TCERG1L: variants seen among roughly 807,000 people sequenced by gnomAD.
The protein encoded by TCERG1L is transcription elongation regulator 1 like, also known as transcription elongation regulator 1-like protein.
TCERG1L carries 37 observed loss-of-function variants against 56.3 expected under a neutral mutation model. The observed-to-expected ratio is 0.66, with a 90% confidence interval of 0.51 to 0.87. TCERG1L has a LOEUF of 0.87. Ranked by LOEUF, TCERG1L falls within the 40% of genes least tolerant of loss-of-function variation. TCERG1L has a pLI of 0.00. For synonymous variants in TCERG1L, 324 were observed against 326.3 expected (o/e 0.99, Z 0.08); for missense variants, 799 against 774.2 (o/e 1.03, Z -0.38).
Position 131,113,755 on chromosome 10 carries a change from G to A in TCERG1L, c.1395+3044C>T, listed in dbSNP as rs948975901. Among the ~76,000 whole-genome samples the A allele has an allele frequency of 1.4e-5, 2 of 141,872 alleles. 1 individual carries two copies. 93.1% of individuals were successfully genotyped at this position (141,872 alleles called of 152,430 possible). Reference sequence around the variant, plus strand: ...CCTGAAAAGGACCAGGACAGCCCCTGAGTCCCTAAGTCAAAATAGAGTATT... The same window carrying A: ...CCTGAAAAGGACCAGGACAGCCCCTAAGTCCCTAAGTCAAAATAGAGTATT... On this transcript the variant is annotated intron_variant, in intron 9 of 11. Coordinates refer to ENST00000368642, the MANE Select transcript of TCERG1L (RefSeq NM_174937.4).
At chr10:131,210,315 C>T (rs1845603143) in intron 4 of TCERG1L, among the ~76,000 whole-genome samples, 1 of 152,172 alleles carries the variant, frequency 6.6e-6, no homozygotes, top group Admixed American at 6.5e-5. Flanking sequence ...TGACTCCAGG[C>T]CCCTGTGCCC....
At chr10:131,229,563 T>A (rs1413687262) in intron 4 of TCERG1L, among the ~76,000 whole-genome samples, 3 of 152,134 alleles carry the variant, frequency 2.0e-5, no homozygotes, top group Non-Finnish European at 4.4e-5. Context: ...GTATGAAGTA[T>A]AAATACCAAT....
intron 7 of TCERG1L, among the ~76,000 whole-genome samples, chr10:131,135,892 A>C (rs1236955635): frequency 6.6e-6 from 1 of 152,230 alleles, no homozygotes; most frequent in Non-Finnish European, 1.5e-5. Context: ...TTGGCCCCGG[A>C]AGGGCGGAGG....
chr10:131,213,595 CA>C (rs1845638988), intron 4 of TCERG1L, among the ~76,000 whole-genome samples: 2 of 152,320 alleles, frequency 1.3e-5, no homozygotes, highest in South Asian at 4.1e-4. Context: ...GGAATGGGGA[CA>C]ACCCAAGCTA....
At chr10:131,179,161 C>T (rs1845143487) in intron 4 of TCERG1L, among the ~76,000 whole-genome samples, 1 of 152,196 alleles carries the variant, frequency 6.6e-6, no homozygotes, top group Non-Finnish European at 1.5e-5. Flanking sequence ...AGGAGGTGAG[C>T]AGCACTTCCT....
intron 4 of TCERG1L, among the ~76,000 whole-genome samples, chr10:131,239,462 G>T (rs1192873937): frequency 6.6e-6 from 1 of 152,160 alleles, no homozygotes; most frequent in African/African-American, 2.4e-5. Flanking sequence ...TTACCTCAAA[G>T]AAAGCTTTTT....
intron 3 of TCERG1L, among the ~76,000 whole-genome samples, chr10:131,281,038 T>C (rs1846446227): frequency 6.6e-6 from 1 of 152,226 alleles, no homozygotes; most frequent in Non-Finnish European, 1.5e-5. Context: ...ATTCAAGTTA[T>C]CACTGTGGTC....
intron 10 of TCERG1L, among the ~76,000 whole-genome samples, chr10:131,102,387 G>A (rs566097410): frequency 1.4e-4 from 22 of 152,264 alleles, no homozygotes; most frequent in Admixed American, 1.4e-3. Flanking sequence ...AGGACAGAGC[G>A]GGAGTTGGTT....
chr10:131,311,509 C>A lies in TCERG1L; in HGVS notation c.127G>T (p.Val43Leu). The A allele has an allele frequency of 8.3e-7, 1 of 1,205,486 alleles. No individual in the cohort carries two copies. The highest frequency in any genetic ancestry group is 1.0e-6 in the Non-Finnish European group (1 of 967,752). 74.7% of individuals were successfully genotyped at this position (1,205,486 alleles called of 1,614,324 possible). ...PPPPPPWVWM[V>L]PGSAGLLRLS... The stretch of plus-strand genomic sequence containing the variant: ...CGGAGCAGCCCGGCCGAGCCCGGCA[C>A]CATCCAGACCCAGGGCGGCGGCGGC... Residue 43 changes from valine to leucine, a missense_variant, in exon 1 of 12, where the codon GTG becomes TTG. Physicochemically the swap from Val to Leu is conservative, Grantham distance 32. Transcript: ENST00000368642. This position sits in a 1 kb window ranked among gnomAD's most constrained non-coding sequence, Gnocchi z 4.0.
At chr10:131,261,573 C>A (rs1846237594) in intron 3 of TCERG1L, among the ~76,000 whole-genome samples, 1 of 152,194 alleles carries the variant, frequency 6.6e-6, no homozygotes, top group South Asian at 2.1e-4. Flanking sequence ...ATACAGTAGG[C>A]AAAGAAAACA....
At chr10:131,109,351 C>T (rs1430073471) in intron 9 of TCERG1L, among the ~76,000 whole-genome samples, 5 of 152,162 alleles carry the variant, frequency 3.3e-5, no homozygotes, top group African/African-American at 7.2e-5. Context: ...TCCTGGTGCC[C>T]GTCTCAGCAC....
chr10:131,124,587 C>A (rs1443644153), intron 8 of TCERG1L, among the ~76,000 whole-genome samples: 2 of 152,180 alleles, frequency 1.3e-5, no homozygotes, highest in Non-Finnish European at 2.9e-5. Flanking sequence ...CAGCTCTACG[C>A]CATGCAGGAG....
chr10:131,191,864 CA>C (rs59816491), intron 4 of TCERG1L, among the ~76,000 whole-genome samples: 139 of 28,694 alleles, frequency 4.8e-3, no homozygotes, highest in African/African-American at 0.013. Context: ...GACTCCGTCT[CA>C]AAAAAAAAAA....
intron 4 of TCERG1L, among the ~76,000 whole-genome samples, chr10:131,174,201 C>T (rs566554989): frequency 4.6e-5 from 7 of 152,286 alleles, no homozygotes; most frequent in African/African-American, 1.2e-4. Context: ...TGCCTGCTGC[C>T]GCCTCAGGAG....
intron 4 of TCERG1L, among the ~76,000 whole-genome samples, chr10:131,173,728 G>A (rs1846116491): frequency 1.3e-5 from 2 of 152,250 alleles, no homozygotes; most frequent in South Asian, 4.1e-4. Context: ...GTAGTGCAGG[G>A]AAGGTTGGTG....
intron 4 of TCERG1L, among the ~76,000 whole-genome samples, chr10:131,214,901 T>C (rs1845653458): frequency 6.6e-6 from 1 of 152,224 alleles, no homozygotes; most frequent in Non-Finnish European, 1.5e-5. Flanking sequence ...ACTTATTCCA[T>C]GCCAAGGACT....
At chr10:131,205,806 A>G (rs1845517115) in intron 4 of TCERG1L, among the ~76,000 whole-genome samples, 1 of 152,212 alleles carries the variant, frequency 6.6e-6, no homozygotes, top group African/African-American at 2.4e-5. Flanking sequence ...TATCCAAAAG[A>G]TGTTTTATGC....
chr10:131,292,877 G>C (rs564277731), intron 3 of TCERG1L, among the ~76,000 whole-genome samples: 12 of 147,092 alleles, frequency 8.2e-5, no homozygotes, highest in African/African-American at 2.7e-4. Context: ...TTTTGAGACA[G>C]AATCTTGCTG....
At chr10:131,200,231 G>A (rs1427363102) in intron 4 of TCERG1L, among the ~76,000 whole-genome samples, 1 of 152,170 alleles carries the variant, frequency 6.6e-6, no homozygotes, top group Non-Finnish European at 1.5e-5. Flanking sequence ...ACCAGTTTCT[G>A]CCTTAGTCTC....
Sources: allele counts gnomAD v4.1 joint callset (sites outside exome capture counted in the v4.1 genomes callset), GRCh38; gene constraint gnomAD v4.1.1; non-coding constraint Gnocchi (gnomAD v3.1); transcripts MANE v1.5; gene names NCBI Gene and HGNC (gene_info 2026-07-23, HGNC 2026-07-21).